The following STPG2 variants were observed in gnomAD, a reference collection of about 807,000 sequenced individuals.
The protein encoded by STPG2 is sperm tail PG-rich repeat containing 2, also known as sperm-tail PG-rich repeat-containing protein 2.
Under a neutral mutation model 54.2 loss-of-function variants are expected in STPG2, and 56 were observed. The observed-to-expected ratio is 1.03, with a 90% confidence interval of 0.83 to 1.29. The LOEUF (loss-of-function observed/expected upper bound fraction) is 1.29, where lower values mean the gene tolerates loss of function less well. Ranked by LOEUF, STPG2 falls within the 50% of genes most tolerant of loss-of-function variation. The pLI is 0.00. For synonymous variants in STPG2, 200 were observed against 181.8 expected (o/e 1.10, Z -0.81); for missense variants, 596 against 544.9 (o/e 1.09, Z -0.93).
intron 9 of STPG2, among the ~76,000 whole-genome samples, chr4:97,760,583 A>C (rs1453394629): frequency 6.6e-6 from 1 of 152,186 alleles, no homozygotes; most frequent in East Asian, 1.9e-4. Context: ...GTGGTTAATA[A>C]GTTAGAAATG....
intron 6 of STPG2, among the ~76,000 whole-genome samples, chr4:97,973,413 C>T (rs1053270360): frequency 2.6e-5 from 4 of 152,094 alleles, no homozygotes; most frequent in Non-Finnish European, 4.4e-5. Flanking sequence ...TAAAGGCATT[C>T]AGTTTTATAA....
At chr4:97,658,332 C>T (rs1722275814) in intron 10 of STPG2, among the ~76,000 whole-genome samples, 1 of 152,130 alleles carries the variant, frequency 6.6e-6, no homozygotes, top group Non-Finnish European at 1.5e-5. Context: ...ACAACACTAG[C>T]TCCAAATATA....
At chr4:98,019,249 G>T (rs9992639) in intron 5 of STPG2, among the ~76,000 whole-genome samples, 59,910 of 151,172 alleles carry the variant, frequency 0.4, 12,031 homozygotes, top group Middle Eastern at 0.46. Flanking sequence ...CTAGCCAGGT[G>T]CCAGCACCAT....
chr4:97,946,200 A>G (rs1039475301), intron 7 of STPG2, among the ~76,000 whole-genome samples: 2 of 152,068 alleles, frequency 1.3e-5, no homozygotes, highest in Non-Finnish European at 2.9e-5. Flanking sequence ...ATCTTCTTTT[A>G]ATAAATATCT....
intron 5 of STPG2, among the ~76,000 whole-genome samples, chr4:98,014,481 G>A (rs1233159730): frequency 3.3e-5 from 5 of 152,076 alleles, no homozygotes; most frequent in African/African-American, 1.2e-4. Context: ...AAATTCACCT[G>A]CTGTTTTGGT....
At chr4:97,565,253 C>T (rs187875329) in intron 10 of STPG2, among the ~76,000 whole-genome samples, 11 of 152,302 alleles carry the variant, frequency 7.2e-5, no homozygotes, top group South Asian at 4.1e-4. Flanking sequence ...GCATTCTTCA[C>T]GCAGTTCTCG....
At chr4:97,867,442 A>G (rs1449695737) in intron 8 of STPG2, among the ~76,000 whole-genome samples, 2 of 151,982 alleles carry the variant, frequency 1.3e-5, no homozygotes, top group African/African-American at 2.4e-5. Flanking sequence ...TATCAGATGC[A>G]TTCTGTAAAT....
At chr4:98,009,825 A>C (rs1017809720) in intron 5 of STPG2, among the ~76,000 whole-genome samples, 2 of 151,974 alleles carry the variant, frequency 1.3e-5, no homozygotes, top group African/African-American at 4.8e-5. Flanking sequence ...TATCATTCAT[A>C]GTTCAATCTC....
intron 7 of STPG2, among the ~76,000 whole-genome samples, chr4:97,968,921 G>A (rs1213208403): frequency 6.6e-6 from 1 of 152,236 alleles, no homozygotes; most frequent in East Asian, 1.9e-4. Flanking sequence ...CGGATGTGCA[G>A]TCAGGGAGGT....
chr4:98,130,649 G>A (rs1739960118), intron 2 of STPG2, among the ~76,000 whole-genome samples: 1 of 151,930 alleles, frequency 6.6e-6, no homozygotes, highest in African/African-American at 2.4e-5. Flanking sequence ...TAGGCCAGGC[G>A]CAGTGGCTCA....
At chr4:98,039,824 T>C (rs1736893663) in intron 5 of STPG2, among the ~76,000 whole-genome samples, 1 of 151,848 alleles carries the variant, frequency 6.6e-6, no homozygotes, top group Non-Finnish European at 1.5e-5. Flanking sequence ...TGTATTTTCC[T>C]TTGGGTAGAT....
chr4:97,959,971 C>T (rs1733827696), intron 7 of STPG2, among the ~76,000 whole-genome samples: 1 of 151,996 alleles, frequency 6.6e-6, no homozygotes, highest in Non-Finnish European at 1.5e-5. Flanking sequence ...TCACTGAATC[C>T]AAAGACACAT....
At chr4:97,843,855 T>A (rs952903571) in intron 8 of STPG2, among the ~76,000 whole-genome samples, 2 of 151,844 alleles carry the variant, frequency 1.3e-5, no homozygotes, top group Non-Finnish European at 2.9e-5. Flanking sequence ...ATGCAATAAC[T>A]CACTTAAAAC....
At chr4:97,923,298 T>TC (rs1236397805) in intron 8 of STPG2, among the ~76,000 whole-genome samples, 186 of 102,658 alleles carry the variant, frequency 1.8e-3, no homozygotes, top group African/African-American at 5.7e-3. Context: ...GCGCTTCCCC[T>TC]CCCACCCCCC....
At chr4:97,752,791 C>T (rs1196963559) in intron 9 of STPG2, among the ~76,000 whole-genome samples, 1 of 151,790 alleles carries the variant, frequency 6.6e-6, no homozygotes, top group Non-Finnish European at 1.5e-5. Context: ...TGCCCAAATA[C>T]TAAAACCCTT....
chr4:98,103,771 T>C (rs7673385), intron 5 of STPG2, among the ~76,000 whole-genome samples: 1 of 151,804 alleles, frequency 6.6e-6, no homozygotes, highest in Non-Finnish European at 1.5e-5. Context: ...ATCTCTCCTC[T>C]AGCTCTTCTA....
chr4:97,628,070 T>C (rs1056456118), intron 10 of STPG2, among the ~76,000 whole-genome samples: 1 of 152,154 alleles, frequency 6.6e-6, no homozygotes, highest in African/African-American at 2.4e-5. Context: ...AACACTATTA[T>C]AGACACATCA....
intron 4 of STPG2, among the ~76,000 whole-genome samples, chr4:97,502,469 C>T (rs190809991): frequency 6.6e-6 from 1 of 151,848 alleles, no homozygotes; most frequent in East Asian, 1.9e-4. Context: ...TGTTGACTTC[C>T]GACTATAAAG....
intron 4 of STPG2, among the ~76,000 whole-genome samples, chr4:97,538,247 A>G (rs1731588179): frequency 6.6e-6 from 1 of 152,224 alleles, no homozygotes; most frequent in African/African-American, 2.4e-5. Context: ...AACTTCTCCG[A>G]GCTAAAGGAG....
Sources: gnomAD v4.1 joint callset for allele counts (sites outside exome capture counted in the v4.1 genomes callset) on GRCh38, gnomAD v4.1.1 for gene constraint, MANE v1.5 for transcripts, NCBI Gene and HGNC (gene_info 2026-07-23, HGNC 2026-07-21) for gene names.